Variants in TPD52 observed in about 807,000 individuals in gnomAD.
TPD52 encodes tumor protein D52, also known as prostate and colon associated protein.
A neutral mutation model predicts 31.3 loss-of-function variants in TPD52; 17 were observed. The observed-to-expected ratio is 0.54, with a 90% confidence interval of 0.37 to 0.82. The LOEUF is 0.82. TPD52 is among the 40% of genes least tolerant of loss of function. The pLI is 0.00. For synonymous variants in TPD52, 83 were observed against 89.6 expected, an observed-to-expected ratio of 0.93 and a Z score of 0.42; for missense variants, 212 against 240.1, an observed-to-expected ratio of 0.88 and a Z score of 0.77.
intron 1 of TPD52, among the ~76,000 whole-genome samples, chr8:80,108,273 T>C (rs1261813926): frequency 1.3e-5 from 2 of 152,228 alleles, no homozygotes; most frequent in Admixed American, 1.3e-4. Flanking sequence ...TCATGAGCAA[T>C]TCAAGTATAT....
intron 3 of TPD52, chr8:80,052,642 C>A (rs1036454670): frequency 2.8e-5 from 36 of 1,288,990 alleles, no homozygotes; most frequent in Non-Finnish European, 3.5e-5. Flanking sequence ...GAAGACAGAG[C>A]AGTTCGGTTT....
At chr8:80,152,278 A>G (rs1470958572) in intron 1 of TPD52, among the ~76,000 whole-genome samples, 1 of 152,142 alleles carries the variant, frequency 6.6e-6, no homozygotes, top group Non-Finnish European at 1.5e-5. Context: ...CAGCAGGAGG[A>G]TGAAGAAGCC....
intron 1 of TPD52, among the ~76,000 whole-genome samples, chr8:80,136,180 T>TAAAAAAAAAAAAAAAAAAAAAAAA (rs1217409264): frequency 7.8e-6 from 1 of 127,608 alleles, no homozygotes; most frequent in Non-Finnish European, 1.6e-5. Context: ...TCTTTGAGGT[T>TAAAAAAAAAAAAAAAAAAAAAAAA]AAAAAAAAAA....
chr8:80,141,071 G>A (rs977238174), intron 1 of TPD52, among the ~76,000 whole-genome samples: 1 of 151,998 alleles, frequency 6.6e-6, no homozygotes, highest in Non-Finnish European at 1.5e-5. Flanking sequence ...GTGGCTCTGT[G>A]CATGTGTCAC....
chr8:80,073,001 G>A (rs1814104778), intron 1 of TPD52, among the ~76,000 whole-genome samples: 1 of 152,006 alleles, frequency 6.6e-6, no homozygotes, highest in South Asian at 2.1e-4. Flanking sequence ...CTACTTGGGA[G>A]GCTGAGGCAC....
rs1158217531 is a variant in TPD52, at chr8:80,096,262, AAATAAAGAC to A, written c.20-31678_20-31670del. ...CAAGAGCAAGAACTTGTCTCAAAAT[AAATAAAGAC>A]TATCAAACACACACACACAAACACA... is the stretch of plus-strand genomic sequence containing the variant. On this transcript the variant is annotated intron_variant, in intron 1 of 7. Coordinates refer to ENST00000518937, the MANE Select transcript of TPD52 (RefSeq NM_001025253.3). Among the ~76,000 whole-genome samples the A allele has an allele frequency of 7.4e-5, 11 of 147,742 alleles. No individual in the cohort carries two copies. In the Admixed American group the frequency reaches 7.6e-4, roughly 10 times the overall value.
At chr8:80,080,216 T>C in intron 1 of TPD52, 1 of 1,063,468 alleles carries the variant, frequency 9.4e-7, no homozygotes, top group South Asian at 1.5e-5. Flanking sequence ...AACACCACCC[T>C]GGTACATCTT....
chr8:80,158,606 G>GCA (rs1389330678), intron 1 of TPD52: 4 of 152,020 alleles, frequency 2.6e-5, no homozygotes, highest in African/African-American at 9.7e-5. Flanking sequence ...TCGCATCACT[G>GCA]CACTCCAGGC....
In TPD52 at chr8:80,101,895, G is replaced by A. The variant is rs1806770704; in HGVS notation, c.20-37302C>T. On this transcript the variant is annotated intron_variant, in intron 1 of 7. Transcript: ENST00000518937. ...TTTGGAGGGAACAAACACCCAAACC[G>A]TGTCAGCAGCCAAGTGAAATTGTGT... Among the ~76,000 whole-genome samples, 5 of 152,100 alleles carry A rather than the reference G, an allele frequency of 3.3e-5. No homozygotes were observed. In the South Asian group the frequency reaches 8.3e-4, roughly 25 times the overall value.
chr8:80,078,617 C>T (rs2130810355), intron 1 of TPD52, among the ~76,000 whole-genome samples: 1 of 152,332 alleles, frequency 6.6e-6, no homozygotes, highest in African/African-American at 2.4e-5. Flanking sequence ...TGTGTTCTTA[C>T]AGATGACTGC....
chr8:80,151,177 T>C (rs1810543424), intron 1 of TPD52, among the ~76,000 whole-genome samples: 2 of 152,192 alleles, frequency 1.3e-5, no homozygotes, highest in Admixed American at 1.3e-4. Flanking sequence ...CTCTCTTGCC[T>C]GTCACCATGT....
chr8:80,099,479 G>A (rs1173287835), intron 1 of TPD52, among the ~76,000 whole-genome samples: 1 of 151,698 alleles, frequency 6.6e-6, no homozygotes, highest in Non-Finnish European at 1.5e-5. Flanking sequence ...AGGTGAGGGA[G>A]GTTCACAAAA....
chr8:80,111,599 A>G (rs538580582), intron 1 of TPD52, among the ~76,000 whole-genome samples: 41 of 152,380 alleles, frequency 2.7e-4, no homozygotes, highest in African/African-American at 5.5e-4. Flanking sequence ...TCTTGATCAT[A>G]TAGAATGATG....
At chr8:80,091,042 A>T (rs1303062080) in intron 1 of TPD52, among the ~76,000 whole-genome samples, 2 of 152,224 alleles carry the variant, frequency 1.3e-5, no homozygotes, top group Non-Finnish European at 2.9e-5. Flanking sequence ...TAAGCATAAG[A>T]TGTCATTCCC....
At chr8:80,150,519 C>A (rs1810499902) in intron 1 of TPD52, among the ~76,000 whole-genome samples, 1 of 152,212 alleles carries the variant, frequency 6.6e-6, no homozygotes, top group Non-Finnish European at 1.5e-5. Flanking sequence ...GCCACAGACA[C>A]TCAACGCCAG....
intron 1 of TPD52, among the ~76,000 whole-genome samples, chr8:80,157,454 C>A (rs1035901646): frequency 3.9e-5 from 6 of 152,192 alleles, no homozygotes; most frequent in African/African-American, 9.6e-5. Context: ...CCAGGAGAGG[C>A]AGGCTTGGCC....
intron 1 of TPD52, among the ~76,000 whole-genome samples, chr8:80,152,123 A>T (rs1254790611): frequency 1.3e-5 from 2 of 152,172 alleles, no homozygotes; most frequent in African/African-American, 4.8e-5. Flanking sequence ...AGACTTTTCT[A>T]AATAGCCAGT....
chr8:80,117,734 CTTT>C (rs57998208), intron 1 of TPD52, among the ~76,000 whole-genome samples: 2 of 131,388 alleles, frequency 1.5e-5, no homozygotes. Flanking sequence ...TTTTTTCTTT[CTTT>C]TTTTTTTTTT....
chr8:80,149,367 G>A (rs1004438123), intron 1 of TPD52, among the ~76,000 whole-genome samples: 1 of 152,186 alleles, frequency 6.6e-6, no homozygotes, highest in African/African-American at 2.4e-5. Context: ...CACCATGATT[G>A]TGAGGCCTCC....
Sources: allele counts gnomAD v4.1 joint callset (sites outside exome capture counted in the v4.1 genomes callset), GRCh38; gene constraint gnomAD v4.1.1; transcripts MANE v1.5; gene names NCBI Gene and HGNC (gene_info 2026-07-23, HGNC 2026-07-21).